Variants in PDE8B observed in about 807,000 individuals in gnomAD.
The protein encoded by PDE8B is high affinity cAMP-specific and IBMX-insensitive 3',5'-cyclic phosphodiesterase 8B.
In PDE8B, 26 loss-of-function variants were observed where a neutral mutation model predicts 101.3. That is an observed-to-expected ratio of 0.26 (90% confidence interval 0.19 to 0.36). PDE8B has a LOEUF of 0.36. Ranked by LOEUF, PDE8B falls within the 10% of genes least tolerant of loss-of-function variation. The pLI, the probability that PDE8B is intolerant of heterozygous loss-of-function variation, is 1.00. For missense variants in PDE8B, 810 were observed against 1,163.1 expected (o/e 0.70, Z 4.42); for synonymous variants, 424 against 429.3 (o/e 0.99, Z 0.15).
At chr5:77,225,620 G>T (rs921507452) in intron 1 of PDE8B, among the ~76,000 whole-genome samples, 1 of 152,130 alleles carries the variant, frequency 6.6e-6, no homozygotes, top group South Asian at 2.1e-4. Flanking sequence ...TAATGGACTG[G>T]TCATTGCTTC....
intron 1 of PDE8B, among the ~76,000 whole-genome samples, chr5:77,226,551 C>A (rs1752436131): frequency 6.6e-6 from 1 of 152,042 alleles, no homozygotes; most frequent in Admixed American, 6.6e-5. Flanking sequence ...AGGGAATGGC[C>A]CTATGCCTAT....
chr5:77,335,305 T>C (rs896435811), intron 5 of PDE8B, among the ~76,000 whole-genome samples: 1 of 152,232 alleles, frequency 6.6e-6, no homozygotes, highest in Non-Finnish European at 1.5e-5. Flanking sequence ...GGCTGATATA[T>C]AGCTTTTATC....
the PDE8B span, chr5:77,139,815 CAT>C: frequency 2.0e-5 from 3 of 152,160 alleles, no homozygotes; most frequent in African/African-American, 7.2e-5. Context: ...TTTGTTTTCA[CAT>C]GTTTTTCTGT....
In PDE8B at chr5:77,408,964, A is replaced by T. The variant is rs759525825; in HGVS notation, c.1437A>T (p.Leu479=). The change falls in exon 14 of 22, where the codon CTA becomes CTT. Residue 479 remains leucine, a synonymous_variant. Coordinates refer to ENST00000264917, the MANE Select transcript of PDE8B (RefSeq NM_003719.5). ...VTVAEALDRV[L]EILRTTELYS... ...TAGCGGAAGCCTTGGACAGAGTTCT[A>T]GAGATTTTACGGACCACAGAACTGT... 6.2e-7 allele frequency: 1 copy of T among 1,610,998 alleles called. No homozygotes were observed. The highest frequency in any genetic ancestry group is 8.5e-7 in the Non-Finnish European group (1 of 1,177,090).
chr5:77,100,662 A>G, the PDE8B span, among the ~76,000 whole-genome samples: 1 of 152,118 alleles, frequency 6.6e-6, no homozygotes, highest in Admixed American at 6.5e-5. Flanking sequence ...CACTTGTTCA[A>G]AGAGCTGGCA....
intron 1 of PDE8B, among the ~76,000 whole-genome samples, chr5:77,261,888 G>A (rs995626693): frequency 2.0e-5 from 3 of 152,194 alleles, no homozygotes; most frequent in African/African-American, 7.2e-5. Flanking sequence ...TGCGTTCACA[G>A]GGAAACTGTT....
intron 5 of PDE8B, among the ~76,000 whole-genome samples, chr5:77,336,503 T>C (rs1300799553): frequency 6.6e-6 from 1 of 152,218 alleles, no homozygotes; most frequent in Non-Finnish European, 1.5e-5. Context: ...CTGTCTGGAT[T>C]CTTTCACTTA....
intron 1 of PDE8B, among the ~76,000 whole-genome samples, chr5:77,244,886 G>A (rs890608559): frequency 6.6e-6 from 1 of 152,102 alleles, no homozygotes; most frequent in South Asian, 2.1e-4. Context: ...CTGCCTGAAT[G>A]GACTCAAAAA....
At chr5:77,407,624 G>A (rs997737926) in intron 13 of PDE8B, among the ~76,000 whole-genome samples, 167 bp downstream of exon 13, 1 of 152,210 alleles carries the variant, frequency 6.6e-6, no homozygotes, top group African/African-American at 2.4e-5. Flanking sequence ...CACAATCAGG[G>A]CAGTGAAGGA....
intron 1 of PDE8B, among the ~76,000 whole-genome samples, chr5:77,281,837 C>A (rs1046822039): frequency 1.3e-5 from 2 of 152,074 alleles, no homozygotes; most frequent in Non-Finnish European, 2.9e-5. Context: ...ATCACTTCAC[C>A]CCCTGTAAAT....
chr5:77,123,356 T>C, the PDE8B span, among the ~76,000 whole-genome samples: 1 of 145,834 alleles, frequency 6.9e-6, no homozygotes, highest in East Asian at 2.1e-4. Flanking sequence ...GTTGAATTCC[T>C]CCCCCACCGC....
At chr5:77,328,835 A>G (rs1418488603) in intron 3 of PDE8B, among the ~76,000 whole-genome samples, 163 bp from the exon 4 acceptor site, 2 of 152,358 alleles carry the variant, frequency 1.3e-5, no homozygotes, top group South Asian at 4.1e-4. Flanking sequence ...AGATTGTCCT[A>G]ATCCACAAGG....
At chr5:77,187,943 T>G in the PDE8B span, among the ~76,000 whole-genome samples, 3 of 152,188 alleles carry the variant, frequency 2.0e-5, no homozygotes, top group Non-Finnish European at 4.4e-5. Context: ...GTAAGTGGCT[T>G]AATAAATGTA....
intron 5 of PDE8B, among the ~76,000 whole-genome samples, chr5:77,332,041 T>C (rs1777231408): frequency 6.6e-6 from 1 of 152,018 alleles, no homozygotes; most frequent in African/African-American, 2.4e-5. Flanking sequence ...ATAACCAAGC[T>C]CACCCAGCAT....
the PDE8B span, among the ~76,000 whole-genome samples, chr5:77,186,664 G>C: frequency 6.6e-6 from 1 of 152,160 alleles, no homozygotes; most frequent in Non-Finnish European, 1.5e-5. Context: ...ATTAGGATTG[G>C]AAGAGCTATG....
the PDE8B span, among the ~76,000 whole-genome samples, chr5:77,109,949 T>TGTTTTTTTTTTTTTTTTTTG: frequency 7.6e-6 from 1 of 131,488 alleles, no homozygotes; most frequent in African/African-American, 3.0e-5. Flanking sequence ...TTTTTTTTTT[T>TGTTTTTTTTTTTTTTTTTTG]TTTTTTGAGA....
At chr5:77,279,564 A>G (rs1580756764) in intron 1 of PDE8B, among the ~76,000 whole-genome samples, 2 of 152,294 alleles carry the variant, frequency 1.3e-5, no homozygotes, top group East Asian at 3.9e-4. Flanking sequence ...TTCAGGTTAT[A>G]TGCTGTGTGT....
chr5:77,170,318 A>G, the PDE8B span, among the ~76,000 whole-genome samples: 1 of 152,192 alleles, frequency 6.6e-6, no homozygotes, highest in African/African-American at 2.4e-5. Flanking sequence ...GGAAGACAAA[A>G]GTGAACAAGA....
chr5:77,412,741 G>GT lies in PDE8B; in HGVS notation c.1713-361dup, dbSNP rs11295108. Among the ~76,000 whole-genome samples, 329 of 150,830 alleles carry GT rather than the reference G, an allele frequency of 2.2e-3. 3 individuals are homozygous for GT. The highest frequency in any genetic ancestry group is 6.6e-3 in the African/African-American group (272 of 41,052). ...ATAGGACTTTGGGACCATCCAAGCT[G>GT]TTTTTTTTTGTCCTTAGGCTTAGTC... is the stretch of plus-strand genomic sequence containing the variant. On this transcript the variant is annotated intron_variant, in intron 16 of 21. Transcript: ENST00000264917.
Sources: gnomAD v4.1 joint callset for allele counts (sites outside exome capture counted in the v4.1 genomes callset) on GRCh38, gnomAD v4.1.1 for gene constraint, MANE v1.5 for transcripts, NCBI Gene and HGNC (gene_info 2026-07-23, HGNC 2026-07-21) for gene names.